KBTBD12: variants seen among roughly 807,000 people sequenced by gnomAD.
KBTBD12 encodes the protein kelch repeat and BTB domain-containing protein 12.
Under a neutral mutation model 58.7 loss-of-function variants are expected in KBTBD12, and 53 were observed. The ratio of observed to expected loss-of-function variants is 0.90; its 90% CI spans 0.72 to 1.14. KBTBD12 has a LOEUF of 1.14. KBTBD12 is among the 50% of genes most tolerant of loss of function. KBTBD12 has a pLI of 0.00. For missense variants in KBTBD12, 704 were observed against 751.3 expected (o/e 0.94, Z 0.74); for synonymous variants, 236 against 259.8 (o/e 0.91, Z 0.88).
intron 4 of KBTBD12, among the ~76,000 whole-genome samples, chr3:127,955,411 C>T (rs564184897): frequency 3.3e-5 from 5 of 152,204 alleles, no homozygotes; most frequent in South Asian, 4.1e-4. Flanking sequence ...ATTACAGTAA[C>T]TGCATTTCAA....
intron 1 of KBTBD12, among the ~76,000 whole-genome samples, chr3:127,917,427 C>T (rs1939276671): frequency 6.6e-6 from 1 of 152,198 alleles, no homozygotes; most frequent in African/African-American, 2.4e-5. Context: ...TCCACATGTT[C>T]AGCTATCCTG....
At chr3:127,958,181 G>C (rs1940357558) in intron 4 of KBTBD12, among the ~76,000 whole-genome samples, 1 of 152,178 alleles carries the variant, frequency 6.6e-6, no homozygotes. Context: ...GGGTCACCAA[G>C]ACTTGGTGTC....
chr3:127,927,662 C>T (rs1050662574), intron 2 of KBTBD12, 102 bp from the exon 3 acceptor site: 1 of 882,284 alleles, frequency 1.1e-6, no homozygotes, highest in Non-Finnish European at 1.7e-6. Context: ...ATTGGAAGAA[C>T]CATATCTCAT....
chr3:127,956,358 T>C (rs1383470664), intron 4 of KBTBD12, among the ~76,000 whole-genome samples: 2 of 152,036 alleles, frequency 1.3e-5, no homozygotes, highest in African/African-American at 4.8e-5. Flanking sequence ...GACAGTGAGT[T>C]AAAAATTACA....
At chr3:127,964,136 G>A (rs1416690338) in intron 5 of KBTBD12, among the ~76,000 whole-genome samples, 1 of 151,920 alleles carries the variant, frequency 6.6e-6, no homozygotes, top group African/African-American at 2.4e-5. Flanking sequence ...AAGTAAATAA[G>A]GCAGAATGCA....
chr3:127,974,063 A>G (rs1940733155), intron 5 of KBTBD12, among the ~76,000 whole-genome samples: 1 of 152,170 alleles, frequency 6.6e-6, no homozygotes, highest in Non-Finnish European at 1.5e-5. Flanking sequence ...TGTCTATATC[A>G]TATATATAAA....
intron 1 of KBTBD12, among the ~76,000 whole-genome samples, chr3:127,919,719 A>G (rs1455685429): frequency 6.6e-6 from 1 of 152,124 alleles, no homozygotes; most frequent in Non-Finnish European, 1.5e-5. Flanking sequence ...TCACTCATAA[A>G]TTGGGCTACC....
intron 5 of KBTBD12, among the ~76,000 whole-genome samples, chr3:127,966,331 T>G (rs1940568408): frequency 6.6e-6 from 1 of 152,126 alleles, no homozygotes; most frequent in South Asian, 2.1e-4. Context: ...ATCCCACTCT[T>G]AAAGATGAAC....
At chr3:127,937,607 A>C (rs967615971) in intron 4 of KBTBD12, among the ~76,000 whole-genome samples, 3 of 152,124 alleles carry the variant, frequency 2.0e-5, no homozygotes, top group African/African-American at 7.2e-5. Context: ...TTCTACAAGG[A>C]GAGGAAAGAG....
chr3:127,925,204 G>A (rs1939536561), intron 2 of KBTBD12, among the ~76,000 whole-genome samples: 1 of 152,152 alleles, frequency 6.6e-6, no homozygotes, highest in African/African-American at 2.4e-5. Flanking sequence ...GCAGAGCCCT[G>A]GCTGGGTGAC....
chr3:127,975,937 T>C lies in KBTBD12; in HGVS notation c.1691-8160T>C, dbSNP rs369906538. ...TCTTGTTTAAACTTTTTATTTGAAA[T>C]AATTTTAAACTTACAGAAAAGTTAC... On this transcript the variant is annotated intron_variant, in intron 5 of 5. Coordinates refer to ENST00000405109, the MANE Select transcript of KBTBD12 (RefSeq NM_207335.4). Among the ~76,000 whole-genome samples the C allele has an allele frequency of 9.2e-5, 14 of 152,214 alleles. No homozygotes were observed. The East Asian group carries it at 2.1e-3, about 23-fold the overall frequency.
At chr3:127,976,593 C>T (rs1276328585) in intron 5 of KBTBD12, among the ~76,000 whole-genome samples, 4 of 152,196 alleles carry the variant, frequency 2.6e-5, no homozygotes, top group Non-Finnish European at 5.9e-5. Flanking sequence ...GCAAAGTTCA[C>T]TTTAATTACC....
At chr3:127,977,136 C>G (rs1226539571) in intron 5 of KBTBD12, among the ~76,000 whole-genome samples, 1 of 152,182 alleles carries the variant, frequency 6.6e-6, no homozygotes, top group Non-Finnish European at 1.5e-5. Context: ...GGATAATAAC[C>G]TCCAGCTCCA....
At chr3:127,928,614 G>T (rs1939631291) in intron 3 of KBTBD12, among the ~76,000 whole-genome samples, 1 of 152,220 alleles carries the variant, frequency 6.6e-6, no homozygotes, top group African/African-American at 2.4e-5. Context: ...AAAGTCAGGG[G>T]TGTGTGGCCA....
At chr3:127,974,884 A>C (rs1328060192) in intron 5 of KBTBD12, among the ~76,000 whole-genome samples, 1 of 152,044 alleles carries the variant, frequency 6.6e-6, no homozygotes. Flanking sequence ...GAGGCAGGAG[A>C]ATGGCATGAA....
chr3:127,955,277 T>C (rs997155639), intron 4 of KBTBD12, among the ~76,000 whole-genome samples: 3 of 152,202 alleles, frequency 2.0e-5, no homozygotes, highest in Admixed American at 2.0e-4. Flanking sequence ...CAATGTTTTC[T>C]CCAGGAAACC....
In KBTBD12 at chr3:127,953,802, G is replaced by T. The variant is rs1299516101; in HGVS notation, c.1493-9387G>T. Among the ~76,000 whole-genome samples the T allele has an allele frequency of 2.0e-5, 3 of 152,214 alleles. No homozygotes were observed. The East Asian group carries it at 5.8e-4, about 29-fold the overall frequency. On this transcript the variant is annotated intron_variant, in intron 4 of 5. Transcript: ENST00000405109. ...ATAAAGGAATAGATATGGCCAGATT[G>T]CTCAAGTGACTCCATTGCTCATGTG...
intron 5 of KBTBD12, among the ~76,000 whole-genome samples, chr3:127,976,274 T>C (rs1940780910): frequency 6.6e-6 from 1 of 152,254 alleles, no homozygotes; most frequent in African/African-American, 2.4e-5. Context: ...GGTAATGTTC[T>C]TTTTGTAGCA....
intron 5 of KBTBD12, among the ~76,000 whole-genome samples, chr3:127,974,105 A>G (rs1255681221): frequency 6.6e-6 from 1 of 152,256 alleles, no homozygotes; most frequent in African/African-American, 2.4e-5. Context: ...GAATGGAGAC[A>G]TTTTACAGAA....
Sources: allele counts gnomAD v4.1 joint callset (sites outside exome capture counted in the v4.1 genomes callset), GRCh38; gene constraint gnomAD v4.1.1; transcripts MANE v1.5; gene names NCBI Gene and HGNC (gene_info 2026-07-23, HGNC 2026-07-21).